The following CFAP47 variants were observed in gnomAD, a reference collection of about 807,000 sequenced individuals.
CFAP47 encodes the protein cilia and flagella associated protein 47, also known as cilia- and flagella-associated protein 47.
In CFAP47, 29 loss-of-function variants were observed where a neutral mutation model predicts 148.1. That is an observed-to-expected ratio of 0.20 (90% confidence interval 0.15 to 0.27). CFAP47 has a LOEUF of 0.27. Among genes scored for constraint, CFAP47 ranks in the 10% least tolerant of loss-of-function variants. The pLI, the probability that CFAP47 is intolerant of heterozygous loss-of-function variation, is 1.00. For missense variants in CFAP47, 1,872 were observed against 1,697.5 expected, an observed-to-expected ratio of 1.10 and a Z score of -1.81; for synonymous variants, 664 against 577.3, an observed-to-expected ratio of 1.15 and a Z score of -2.15.
chrX:36,185,601 A>G (rs1207954662), intron 40 of CFAP47, among the ~76,000 whole-genome samples: 1 of 112,268 alleles, frequency 8.9e-6, no homozygotes, highest in African/African-American at 3.2e-5. Context: ...GATAAGATGT[A>G]AGGATTAAGA....
At chrX:36,239,777 C>T (rs958705400) in intron 48 of CFAP47, among the ~76,000 whole-genome samples, 5 of 111,564 alleles carry the variant, frequency 4.5e-5, no homozygotes, top group African/African-American at 6.5e-5. Flanking sequence ...GCAGGCCGCA[C>T]GGATGTTCAA....
At chrX:36,032,326 T>C (rs1047340304) in intron 23 of CFAP47, among the ~76,000 whole-genome samples, 1 of 110,520 alleles carries the variant, frequency 9.0e-6, no homozygotes, top group Admixed American at 9.7e-5. Flanking sequence ...AACGTGACTC[T>C]AATCTTCTAC....
In CFAP47 at chrX:36,319,254, G is replaced by A. The variant is rs2146967148; in HGVS notation, c.8390G>A (p.Ser2797Asn). 8.8e-7 allele frequency: 1 copy of A among 1,134,216 alleles called. No homozygotes were observed. 93.5% of individuals were successfully genotyped at this position (1,134,216 alleles called of 1,213,427 possible). ...CTTGTCATGGATCATTGCTGGGATA[G>A]CTTCATCTATGAGAGTTCTGCCTTC... ...RNLVMDHCWD[S>N]FIYESSAFRF... Residue 2797 changes from serine (S) to asparagine (N), a missense_variant, in exon 57 of 64, where the codon AGC becomes AAC. Transcript: ENST00000378653.
intron 1 of CFAP47, among the ~76,000 whole-genome samples, chrX:35,920,789 A>G (rs1935565745): frequency 8.9e-6 from 1 of 112,243 alleles, no homozygotes; most frequent in Non-Finnish European, 1.9e-5. Context: ...AATGTAAGCA[A>G]TAAATAACTG....
chrX:35,926,634 T>C (rs955970495), intron 2 of CFAP47, among the ~76,000 whole-genome samples: 23 of 110,192 alleles, frequency 2.1e-4, no homozygotes, highest in African/African-American at 7.9e-4. Context: ...AAAAAGTATA[T>C]TTCTGTTCAT....
intron 48 of CFAP47, among the ~76,000 whole-genome samples, chrX:36,239,640 G>A (rs1159124738): frequency 8.9e-6 from 1 of 112,057 alleles, no homozygotes; most frequent in African/African-American, 3.2e-5. Flanking sequence ...GTTTAACATT[G>A]CAGTTGTCTG....
At chrX:36,304,452 C>T (rs782788421) in intron 54 of CFAP47, among the ~76,000 whole-genome samples, 2 of 109,901 alleles carry the variant, frequency 1.8e-5, no homozygotes, top group Non-Finnish European at 3.8e-5. Flanking sequence ...AATTTATCTA[C>T]AAAACAATAT....
At chrX:35,965,549 T>A (rs142823115) in intron 8 of CFAP47, among the ~76,000 whole-genome samples, 187 of 111,945 alleles carry the variant, frequency 1.7e-3, no homozygotes, top group Middle Eastern at 9.3e-3. Flanking sequence ...ATTTTTAAAC[T>A]TTTCTATTTG....
Position 35,975,831 on chromosome X carries a change from T to C in CFAP47, c.2631T>C (p.Asn877=). The C allele has an allele frequency of 3.3e-6, 4 of 1,209,799 alleles. No homozygotes were observed. The highest frequency in any genetic ancestry group is 4.5e-6 in the Non-Finnish European group (4 of 893,865). Residue 877 remains asparagine (N), a synonymous_variant, in exon 15 of 64, where the codon AAT becomes AAC. Transcript: ENST00000378653. The part of the protein sequence containing the change: ...TCFRGTVRLY[N]RQNCCAQFQW... ...TTCGGGGGACAGTTAGATTGTATAA[T>C]CGTCAGAATTGTTGTGCTCAGTTTC...
At chrX:36,334,203 C>T (rs1190048054) in intron 57 of CFAP47, among the ~76,000 whole-genome samples, 1 of 111,176 alleles carries the variant, frequency 9.0e-6, no homozygotes, top group Non-Finnish European at 1.9e-5. Flanking sequence ...AGTACTAATT[C>T]ATTGAGAAAA....
intron 39 of CFAP47, among the ~76,000 whole-genome samples, chrX:36,175,285 CCTT>C (rs1466024553): frequency 8.9e-6 from 1 of 112,122 alleles, no homozygotes; most frequent in Non-Finnish European, 1.9e-5. Flanking sequence ...TCGTCTGAAG[CCTT>C]CTTCTCTCAG....
At position 36,073,228 on chromosome X, in the gene CFAP47, C is replaced by A. The variant is rs773492083; in HGVS notation, c.4555C>A (p.Gln1519Lys). ...GTCTCTGGAAAAGGAAAAATATGAA[C>A]AATTCCTTTCTCTTGAGGAAGGAAC... ...HGSLEKEKYE[Q>K]FLSLEEGTKA... The change falls in exon 29 of 64, where the codon CAA (glutamine) becomes AAA (lysine). Residue 1519 changes from glutamine to lysine, a missense_variant. Physicochemically the swap from Gln to Lys is moderately conservative, Grantham distance 53. Transcript: ENST00000378653. The A allele has an allele frequency of 1.7e-6, 2 of 1,205,994 alleles. No individual in the cohort carries two copies. Among genetic ancestry groups the A allele is most frequent in the Admixed American group, 2.2e-5 (1 of 45,579 alleles).
intron 32 of CFAP47, among the ~76,000 whole-genome samples, chrX:36,102,508 A>T (rs1007906061): frequency 2.7e-5 from 3 of 111,652 alleles, no homozygotes; most frequent in Non-Finnish European, 3.8e-5. Context: ...TTTCAGAAAC[A>T]CTGCTGTAGA....
intron 45 of CFAP47, among the ~76,000 whole-genome samples, chrX:36,208,759 A>G (rs1327442325): frequency 1.8e-5 from 2 of 111,452 alleles, no homozygotes; most frequent in Non-Finnish European, 3.8e-5. Flanking sequence ...TGAAGTCAGG[A>G]GTTTGAGACC....
chrX:36,141,683 G>A (rs1031471674), intron 35 of CFAP47, among the ~76,000 whole-genome samples: 3 of 112,007 alleles, frequency 2.7e-5, no homozygotes, highest in Non-Finnish European at 3.8e-5. Flanking sequence ...TAAAAATAAG[G>A]AAATTTAATA....
chrX:35,960,380 G>GAAAAAAAAAAAAAAA lies in CFAP47; in HGVS notation c.1410+4197_1410+4211dup, dbSNP rs1188987905. Among the ~76,000 whole-genome samples the GAAAAAAAAAAAAAAA allele has an allele frequency of 2.1e-3, 33 of 15,480 alleles. 10 individuals carry two copies. The highest frequency in any genetic ancestry group is 7.9e-3 in the African/African-American group (30 of 3,812). The allele number at this position is 15,480 out of a possible 115,157, so 13.4% of individuals were successfully genotyped here. ...CTTTAACATTAGCTTGCTAATTTCT[G>GAAAAAAAAAAAAAAA]AAAAAAAAAAAAAAAAAAAAAAAAA... On this transcript the variant is annotated intron_variant, in intron 8 of 63. Transcript: ENST00000378653.
chrX:36,115,680 A>T (rs985010785), intron 33 of CFAP47, among the ~76,000 whole-genome samples: 1 of 111,521 alleles, frequency 9.0e-6, no homozygotes, highest in African/African-American at 3.3e-5. Context: ...TTATGGACAA[A>T]ATTAGGTTTT....
chrX:36,012,901 C>G (rs954462736), intron 21 of CFAP47, among the ~76,000 whole-genome samples: 3 of 111,186 alleles, frequency 2.7e-5, no homozygotes, highest in African/African-American at 6.5e-5. Context: ...AGTCTGCTAG[C>G]CTCAAGACAA....
chrX:35,981,501 T>G (rs998053201), intron 15 of CFAP47, among the ~76,000 whole-genome samples: 1 of 109,911 alleles, frequency 9.1e-6, no homozygotes, highest in Admixed American at 9.9e-5. Flanking sequence ...GGAGTGATGA[T>G]ATAACAATTA....
Sources: gnomAD v4.1 joint callset for allele counts (sites outside exome capture counted in the v4.1 genomes callset) on GRCh38, gnomAD v4.1.1 for gene constraint, MANE v1.5 for transcripts, NCBI Gene and HGNC (gene_info 2026-07-23, HGNC 2026-07-21) for gene names.